Variants in PKHD1 observed in about 807,000 individuals in gnomAD.
PKHD1 encodes fibrocystin.
PKHD1 carries 291 observed loss-of-function variants against 412.0 expected under a neutral mutation model. The ratio of observed to expected loss-of-function variants is 0.71; its 90% confidence interval spans 0.64 to 0.78. The LOEUF is 0.78. Among genes scored for constraint, PKHD1 ranks in the 30% least tolerant of loss-of-function variants. The probability of loss-of-function intolerance (pLI) is 0.00; values close to 1 mark genes in which losing one functional copy is unlikely to be tolerated. For synonymous variants in PKHD1, 1,777 were observed against 1,821.5 expected (o/e 0.98, Z 0.62); for missense variants, 4,825 against 4,950.7 (o/e 0.97, Z 0.76).
chr6:51,805,342 A>T (rs1383876592), intron 52 of PKHD1, among the ~76,000 whole-genome samples: 1 of 112,250 alleles, frequency 8.9e-6, no homozygotes, highest in South Asian at 3.5e-4. Context: ...ACACATGGAC[A>T]TAGAAATGAA....
At chr6:51,976,613 T>A (rs1794473686) in intron 35 of PKHD1, among the ~76,000 whole-genome samples, 1 of 152,216 alleles carries the variant, frequency 6.6e-6, no homozygotes, top group South Asian at 2.1e-4. Flanking sequence ...TTAAAATTAG[T>A]TAAAATGGTA....
At chr6:51,773,240 T>C (rs918786010) in intron 54 of PKHD1, among the ~76,000 whole-genome samples, 3 of 151,988 alleles carry the variant, frequency 2.0e-5, no homozygotes, top group Admixed American at 1.3e-4. Flanking sequence ...TTATGTTTAG[T>C]GGCTGGACTT....
chr6:51,830,903 T>C lies in PKHD1; in HGVS notation c.8260A>G (p.Asn2754Asp), dbSNP rs1206858937. Residue 2754 changes from asparagine (N) to aspartate (D), a missense_variant, in exon 52 of 67, where the codon AAT (asparagine) becomes GAT (aspartate). Physicochemically the swap from Asn to Asp is conservative, Grantham distance 23. Coordinates refer to ENST00000371117, the MANE Select transcript of PKHD1 (RefSeq NM_138694.4). ...GVEEGWGGYN[N>D]TIPGPGDDVL... The stretch of plus-strand genomic sequence containing the variant: ...TCATCCCCAGGGCCTGGAATGGTAT[T>C]GTTGTATCCTCCCCAGCCTTCTTCA... 2 of 1,612,894 alleles carry C rather than the reference T, an allele frequency of 1.2e-6. No homozygotes were observed. Among genetic ancestry groups the C allele is most frequent in the Non-Finnish European group, 1.7e-6 (2 of 1,179,090 alleles).
chr6:51,987,373 A>G (rs1327499628), intron 35 of PKHD1, among the ~76,000 whole-genome samples: 1 of 152,212 alleles, frequency 6.6e-6, no homozygotes, highest in African/African-American at 2.4e-5. Context: ...ACACTGCATA[A>G]AAACCTTCAC....
chr6:51,720,200 G>C (rs1014502610), intron 60 of PKHD1, among the ~76,000 whole-genome samples: 1 of 152,054 alleles, frequency 6.6e-6, no homozygotes, highest in Non-Finnish European at 1.5e-5. Flanking sequence ...CACCACCATG[G>C]ATCACTGAGA....
intron 55 of PKHD1, among the ~76,000 whole-genome samples, chr6:51,763,445 A>T (rs1582535821): frequency 6.6e-6 from 1 of 152,140 alleles, no homozygotes; most frequent in Admixed American, 6.6e-5. Context: ...ACACATTCTT[A>T]TAAGAAAAAT....
chr6:51,722,150 G>T, intron 60 of PKHD1: 1 of 1,499,420 alleles, frequency 6.7e-7, no homozygotes. Context: ...TGTAATATCC[G>T]AGCTCTTTAC....
chr6:51,775,949 A>G, intron 53 of PKHD1, 28 bp from the exon 54 acceptor site: 3 of 1,038,400 alleles, frequency 2.9e-6, no homozygotes, highest in Non-Finnish European at 4.6e-6. Flanking sequence ...TATATCATTC[A>G]AATCAATTTG....
At chr6:51,828,833 A>G (rs1767768138) in intron 52 of PKHD1, among the ~76,000 whole-genome samples, 1 of 152,104 alleles carries the variant, frequency 6.6e-6, no homozygotes, top group Admixed American at 6.6e-5. Context: ...CAGCCTGTCA[A>G]AAATCAGAAG....
Position 52,005,192 on chromosome 6 carries a change from C to T in PKHD1, c.5751+5117G>A, listed in dbSNP as rs542736790. Among the ~76,000 whole-genome samples, 8 of 152,274 alleles carry T rather than the reference C, an allele frequency of 5.3e-5. No homozygotes were observed. The East Asian group carries it at 1.5e-3, about 29-fold the overall frequency. On this transcript the variant is annotated intron_variant, in intron 35 of 66. Transcript: ENST00000371117. ...GCCTCTCCATTCCCTCTGCCATTTC[C>T]CTGCCCCAGTTATCTCTCACCTAGC...
intron 55 of PKHD1, among the ~76,000 whole-genome samples, chr6:51,766,707 T>C (rs2151096004): frequency 6.8e-6 from 1 of 146,124 alleles, no homozygotes; most frequent in South Asian, 2.1e-4. Flanking sequence ...TTTAATTTTG[T>C]TATTATTATA....
rs772138645 is a variant in PKHD1 at position 51,748,472 on chromosome 6, G to C, written c.9144C>G (p.Gly3048=). The change falls in exon 58 of 67, where the codon GGC becomes GGG. Residue 3048 remains glycine (G), a synonymous_variant. Coordinates refer to ENST00000371117, the MANE Select transcript of PKHD1 (RefSeq NM_138694.4). The stretch of plus-strand genomic sequence containing the variant: ...CCTGACCCTCTAAATCTATGCCATG[G>C]CCAGCTGTGCCAAACACAATATTGT... The part of the protein sequence containing the change: ...LNDNIVFGTA[G]HGIDLEGQAY... 11 of 1,613,798 alleles carry C rather than the reference G, an allele frequency of 6.8e-6. No individual in the cohort carries two copies. Among genetic ancestry groups the C allele is most frequent in the Non-Finnish European group, 8.5e-6 (10 of 1,179,842 alleles).
Position 51,648,945 on chromosome 6 carries a change from G to C in PKHD1, c.11310+140C>G, listed in dbSNP as rs1046464606. 24 of 788,288 alleles carry C rather than the reference G, an allele frequency of 3.0e-5. No homozygotes were observed. The African/African-American group carries it at 3.7e-4, about 12-fold the overall frequency. 48.8% of individuals were successfully genotyped at this position (788,288 alleles called of 1,614,324 possible). A position where few individuals can be genotyped will look rare whatever the true frequency, so the allele number is the denominator to read the frequency against. On this transcript the variant is annotated intron_variant, in intron 62 of 66. Transcript: ENST00000371117. ...GAAGTGGAAGGAAAATGTGAAAGTAGTGAGAAGCTCTAAGTGCAACAAATT... is the reference window on the plus strand; with the variant it reads ...GAAGTGGAAGGAAAATGTGAAAGTACTGAGAAGCTCTAAGTGCAACAAATT...
In PKHD1 at chr6:52,058,538, C is replaced by T; in HGVS notation, c.1297G>A (p.Asp433Asn). Reference protein sequence around the residue: ...DWFDSWEQNRDEGTWQQKTPK... With the variant: ...DWFDSWEQNRNEGTWQQKTPK... ...GTCTTCTGCTGCCAGGTCCCTTCATCCCTATTCTGCTCCCAGGAGTCAAAC... is the reference window on the plus strand; with the variant it reads ...GTCTTCTGCTGCCAGGTCCCTTCATTCCTATTCTGCTCCCAGGAGTCAAAC... The change falls in exon 16 of 67, where the codon GAT becomes AAT. Residue 433 changes from aspartate (D) to asparagine (N), a missense_variant. Transcript: ENST00000371117. 2.5e-6 allele frequency: 4 copies of T among 1,614,184 alleles called. No individual in the cohort carries two copies. Among genetic ancestry groups the T allele is most frequent in the Non-Finnish European group, 3.4e-6 (4 of 1,180,022 alleles).
Position 51,748,084 on chromosome 6 carries a change from C to CA in PKHD1, c.9531dup (p.Gly3178TrpfsTer24). ...AATACATACACTACTGCCAAAAGACCAATAGTATTGTCTACCAGAGTAATG... is the reference window on the plus strand; with the variant it reads ...AATACATACACTACTGCCAAAAGACCAAATAGTATTGTCTACCAGAGTAATG... On this transcript the variant is annotated frameshift_variant, in exon 58 of 67. Coordinates refer to ENST00000371117, the MANE Select transcript of PKHD1 (RefSeq NM_138694.4). LOFTEE classifies it high-confidence loss of function. 4 of 1,613,748 alleles carry CA rather than the reference C, an allele frequency of 2.5e-6. No individual in the cohort carries two copies. The highest frequency in any genetic ancestry group is 3.4e-6 in the Non-Finnish European group (4 of 1,179,722).
intron 37 of PKHD1, among the ~76,000 whole-genome samples, chr6:51,929,268 A>C (rs2082081949): frequency 6.6e-6 from 1 of 152,202 alleles, no homozygotes; most frequent in Non-Finnish European, 1.5e-5. Flanking sequence ...GGAAACAGGA[A>C]TCATGCAGAG....
rs139826918 is a variant in PKHD1, at chr6:51,912,456, C to T, written c.6242G>A (p.Gly2081Glu). 3 of 1,612,856 alleles carry T rather than the reference C, an allele frequency of 1.9e-6. No homozygotes were observed. In the East Asian group the frequency reaches 6.7e-5, roughly 36 times the overall value. ...NPGDEVVIIS[G>E]TGVKGAKPME... is the part of the protein sequence containing the mutation. Reference sequence around the variant, plus strand: ...CGGTTTGGCACCTTTAACACCTGTTCCACTGATGATGACAACTTCATCCCC... The same window carrying T: ...CGGTTTGGCACCTTTAACACCTGTTTCACTGATGATGACAACTTCATCCCC... The change falls in exon 38 of 67, where the codon GGA (glycine) becomes GAA (glutamate). Residue 2081 changes from glycine (G) to glutamate (E), a missense_variant. Coordinates refer to ENST00000371117, the MANE Select transcript of PKHD1 (RefSeq NM_138694.4).
rs114554426 is a variant in PKHD1 at position 52,053,699 on chromosome 6, C to G, written c.1964+339G>C. On this transcript the variant is annotated intron_variant, in intron 20 of 66. Transcript: ENST00000371117. ...ACAGCTGAATTTTATTCCAGGGTCA[C>G]TAGCTGAATGAATTTTGATGAATCA... is the stretch of plus-strand genomic sequence containing the variant. Among the ~76,000 whole-genome samples the G allele has an allele frequency of 3.1e-3, 474 of 152,266 alleles. 4 individuals carry two copies. The highest frequency in any genetic ancestry group is 0.011 in the African/African-American group (440 of 41,540).
At chr6:52,044,282 G>A (rs1360149898) in intron 25 of PKHD1, among the ~76,000 whole-genome samples, 3 of 152,028 alleles carry the variant, frequency 2.0e-5, no homozygotes, top group Non-Finnish European at 4.4e-5. Flanking sequence ...AAAACTACTT[G>A]GAAATGAGAA....
Sources: gnomAD v4.1 joint callset for allele counts (sites outside exome capture counted in the v4.1 genomes callset) on GRCh38, gnomAD v4.1.1 for gene constraint, MANE v1.5 for transcripts, NCBI Gene and HGNC (gene_info 2026-07-23, HGNC 2026-07-21) for gene names.